The following PTPRO variants were observed in gnomAD, a reference collection of about 807,000 sequenced individuals.
PTPRO encodes the protein protein tyrosine phosphatase receptor type O, also known as receptor-type tyrosine-protein phosphatase O.
A neutral mutation model predicts 145.2 loss-of-function variants in PTPRO; 62 were observed. The ratio of observed to expected loss-of-function variants is 0.43; its 90% confidence interval spans 0.35 to 0.53. The LOEUF (loss-of-function observed/expected upper bound fraction) is 0.53, where lower values mean the gene tolerates loss of function less well. Among genes scored for constraint, PTPRO ranks in the 20% least tolerant of loss-of-function variants. The probability of loss-of-function intolerance (pLI) is 0.01; values close to 1 mark genes in which losing one functional copy is unlikely to be tolerated. For synonymous variants in PTPRO, 565 were observed against 514.7 expected (o/e 1.10, Z -1.32); for missense variants, 1,345 against 1,482.7 (o/e 0.91, Z 1.53).
intron 1 of PTPRO, among the ~76,000 whole-genome samples, chr12:15,476,650 T>C (rs990178590): frequency 6.6e-6 from 1 of 152,006 alleles, no homozygotes; most frequent in South Asian, 2.1e-4. Context: ...CACGCCTATG[T>C]CCTGAATGGT....
In PTPRO at chr12:15,527,134, A is replaced by C. The variant is rs115972622; in HGVS notation, c.2164+872A>C. Among the ~76,000 whole-genome samples, 1,033 of 152,074 alleles carry C rather than the reference A, an allele frequency of 6.8e-3. 15 individuals are homozygous for C. The highest frequency in any genetic ancestry group is 0.024 in the African/African-American group (991 of 41,474). On this transcript the variant is annotated intron_variant, in intron 12 of 26. Transcript: ENST00000281171. Reference sequence around the variant, plus strand: ...AACAGAAAACCAAAAGCAAATATACACTCTGAGATTTTCACCAGCAACAAC... The same window carrying C: ...AACAGAAAACCAAAAGCAAATATACCCTCTGAGATTTTCACCAGCAACAAC...
intron 1 of PTPRO, among the ~76,000 whole-genome samples, chr12:15,327,843 G>T (rs550223211): frequency 4.6e-5 from 7 of 152,208 alleles, no homozygotes; most frequent in African/African-American, 1.7e-4. Context: ...CCAATAAGAG[G>T]TGGCTCACGC....
intron 26 of PTPRO, chr12:15,595,633 T>A (rs1331348117): frequency 6.4e-6 from 1 of 157,192 alleles, no homozygotes; most frequent in African/African-American, 2.4e-5. Flanking sequence ...AGATCAGATT[T>A]TGGAGGTGTA....
intron 19 of PTPRO, among the ~76,000 whole-genome samples, chr12:15,570,504 T>C (rs906849983): frequency 6.6e-6 from 1 of 152,160 alleles, no homozygotes. Context: ...AAGAATCTTA[T>C]ACATTACCAA....
chr12:15,469,209 A>G (rs1215020356), intron 1 of PTPRO, among the ~76,000 whole-genome samples: 1 of 152,230 alleles, frequency 6.6e-6, no homozygotes, highest in Non-Finnish European at 1.5e-5. Flanking sequence ...TGGGACAGCT[A>G]CATTTTCACA....
At chr12:15,592,013 T>A (rs1944564448) in intron 25 of PTPRO, among the ~76,000 whole-genome samples, 1 of 152,192 alleles carries the variant, frequency 6.6e-6, no homozygotes, top group African/African-American at 2.4e-5. Flanking sequence ...TTTTTCCAAC[T>A]TTTCTAGCTT....
chr12:15,482,295 G>A (rs778321452), intron 1 of PTPRO, among the ~76,000 whole-genome samples: 1 of 151,964 alleles, frequency 6.6e-6, no homozygotes, highest in African/African-American at 2.4e-5. Context: ...AGCACTAGAA[G>A]ATAAATACCA....
intron 1 of PTPRO, among the ~76,000 whole-genome samples, chr12:15,370,887 G>T (rs1349093430): frequency 6.6e-6 from 1 of 152,056 alleles, no homozygotes; most frequent in Admixed American, 6.6e-5. Context: ...GACTAAAACA[G>T]CTTAAATTTC....
chr12:15,323,201 T>G (rs1435480076), intron 1 of PTPRO, among the ~76,000 whole-genome samples: 2 of 152,186 alleles, frequency 1.3e-5, no homozygotes, highest in African/African-American at 4.8e-5. Context: ...TGTCTTAATT[T>G]TCCTTACTGC....
At chr12:15,541,412 GA>G (rs1943177816) in intron 12 of PTPRO, among the ~76,000 whole-genome samples, 1 of 152,056 alleles carries the variant, frequency 6.6e-6, no homozygotes, top group South Asian at 2.1e-4. Flanking sequence ...TTGGTATTTT[GA>G]ATAGTAAGAG....
chr12:15,586,795 G>A (rs1034877930), intron 23 of PTPRO, 102 bp from the exon 24 acceptor site: 4 of 1,323,026 alleles, frequency 3.0e-6, no homozygotes, highest in Non-Finnish European at 4.3e-6. Flanking sequence ...ACCAGGAGTG[G>A]AACGTGGCTC....
chr12:15,464,285 CAT>C (rs1242128586), intron 1 of PTPRO, among the ~76,000 whole-genome samples: 2 of 152,080 alleles, frequency 1.3e-5, no homozygotes, highest in Non-Finnish European at 2.9e-5. Flanking sequence ...TTTTTCAAAT[CAT>C]GTGGATCTAA....
chr12:15,480,686 G>A (rs1941758849), intron 1 of PTPRO, among the ~76,000 whole-genome samples: 1 of 152,146 alleles, frequency 6.6e-6, no homozygotes, highest in Non-Finnish European at 1.5e-5. Flanking sequence ...CACACTGACT[G>A]AAGCATCTGC....
At chr12:15,552,352 T>C (rs1031143724) in intron 15 of PTPRO, among the ~76,000 whole-genome samples, 1 of 152,236 alleles carries the variant, frequency 6.6e-6, no homozygotes, top group Admixed American at 6.5e-5. Flanking sequence ...CTTATTTGAA[T>C]ACTACTTGGT....
intron 1 of PTPRO, among the ~76,000 whole-genome samples, chr12:15,360,902 A>G (rs1182534731): frequency 2.8e-5 from 4 of 142,402 alleles, no homozygotes; most frequent in African/African-American, 1.0e-4. Context: ...GTATATACAC[A>G]CACATATATA....
At chr12:15,368,284 T>G (rs1289423361) in intron 1 of PTPRO, among the ~76,000 whole-genome samples, 2 of 152,150 alleles carry the variant, frequency 1.3e-5, no homozygotes, top group Non-Finnish European at 2.9e-5. Context: ...TCCATATTGT[T>G]TCCTTACCAT....
At chr12:15,558,980 G>A (rs1189380650) in intron 16 of PTPRO, among the ~76,000 whole-genome samples, 1 of 152,166 alleles carries the variant, frequency 6.6e-6, no homozygotes, top group Non-Finnish European at 1.5e-5. Context: ...TACTAGGTTT[G>A]TTCAAATATA....
chr12:15,529,547 G>A (rs1332561444), intron 12 of PTPRO, among the ~76,000 whole-genome samples: 3 of 152,058 alleles, frequency 2.0e-5, no homozygotes, highest in Non-Finnish European at 2.9e-5. Flanking sequence ...GGAGGCTGAG[G>A]CAGGAGGATC....
intron 19 of PTPRO, among the ~76,000 whole-genome samples, chr12:15,577,356 A>C (rs185155701): frequency 5.1e-4 from 78 of 152,328 alleles, no homozygotes; most frequent in Admixed American, 8.5e-4. Flanking sequence ...GCCACCAAGG[A>C]TCTTCTAGTT....
Sources: gnomAD v4.1 joint callset for allele counts (sites outside exome capture counted in the v4.1 genomes callset) on GRCh38, gnomAD v4.1.1 for gene constraint, MANE v1.5 for transcripts, NCBI Gene and HGNC (gene_info 2026-07-23, HGNC 2026-07-21) for gene names.